PMFBP1: variants seen among roughly 807,000 people sequenced by gnomAD.
The protein encoded by PMFBP1 is polyamine modulated factor 1 binding protein 1, also known as polyamine-modulated factor 1-binding protein 1.
Under a neutral mutation model 137.8 loss-of-function variants are expected in PMFBP1, and 131 were observed. The ratio of observed to expected loss-of-function variants is 0.95; its 90% confidence interval spans 0.82 to 1.10. The LOEUF (loss-of-function observed/expected upper bound fraction) is 1.10. Ranked by LOEUF, PMFBP1 falls within the 50% of genes least tolerant of loss-of-function variation. PMFBP1 has a pLI of 0.00. For missense variants in PMFBP1, 1,199 were observed against 1,175.4 expected, an observed-to-expected ratio of 1.02 and a Z score of -0.29; for synonymous variants, 490 against 450.4, an observed-to-expected ratio of 1.09 and a Z score of -1.11.
chr16:72,132,164 T>C (rs1456856941), intron 10 of PMFBP1, among the ~76,000 whole-genome samples: 1 of 152,172 alleles, frequency 6.6e-6, no homozygotes, highest in Non-Finnish European at 1.5e-5. Flanking sequence ...TTTAAAAGTA[T>C]ACAATTCAGT....
chr16:72,180,866 G>A (rs1053480307), upstream of PMFBP1, among the ~76,000 whole-genome samples: 4 of 152,218 alleles, frequency 2.6e-5, no homozygotes, highest in African/African-American at 9.6e-5. Context: ...AGCCTTCAAA[G>A]GGAATGTCTG....
chr16:72,161,186 C>T (rs2043057115), intron 3 of PMFBP1, among the ~76,000 whole-genome samples: 1 of 149,606 alleles, frequency 6.7e-6, no homozygotes, highest in African/African-American at 2.5e-5. Context: ...CAACCTCTGT[C>T]CCCTGGATTC....
At chr16:72,157,992 T>G (rs1357419586) in intron 3 of PMFBP1, among the ~76,000 whole-genome samples, 1 of 152,192 alleles carries the variant, frequency 6.6e-6, no homozygotes, top group Non-Finnish European at 1.5e-5. Context: ...GGAATTTTAA[T>G]GAGATTAATT....
At chr16:72,221,945 A>G in the PMFBP1 span, among the ~76,000 whole-genome samples, 386 of 152,308 alleles carry the variant, frequency 2.5e-3, 2 homozygotes, top group African/African-American at 8.8e-3. Flanking sequence ...TCACTTAACA[A>G]CAGTTATTGA....
the PMFBP1 span, among the ~76,000 whole-genome samples, chr16:72,198,537 C>T: frequency 2.6e-5 from 4 of 152,156 alleles, no homozygotes; most frequent in Non-Finnish European, 4.4e-5. Flanking sequence ...TCCTCCTTTC[C>T]GAATGGCTGC....
the PMFBP1 span, among the ~76,000 whole-genome samples, chr16:72,209,471 TATG>T: frequency 3.8e-3 from 585 of 152,106 alleles, 4 homozygotes; most frequent in African/African-American, 0.013. Context: ...TATCTGTATA[TATG>T]ATATTATCTG....
the PMFBP1 span, among the ~76,000 whole-genome samples, chr16:72,206,563 G>A: frequency 6.6e-6 from 1 of 152,186 alleles, no homozygotes. Context: ...AACAGTCCAT[G>A]GGTGTGATTA....
At chr16:72,236,322 T>C in the PMFBP1 span, among the ~76,000 whole-genome samples, 4 of 152,178 alleles carry the variant, frequency 2.6e-5, no homozygotes, top group African/African-American at 9.7e-5. Flanking sequence ...CTTGTAAACT[T>C]AAGTGAAGAG....
rs150625465 is a variant in PMFBP1, at chr16:72,139,293, T to C, written c.914A>G (p.Lys305Arg). ...AGATCAGCAAATTTCTCCCACCTTTTTGATGTCTTCACACTCTTCTGAGGA... is the reference window on the plus strand; with the variant it reads ...AGATCAGCAAATTTCTCCCACCTTTCTGATGTCTTCACACTCTTCTGAGGA... ...PSSSEECEDI[K>R]KILKHLQEQK... The change falls in exon 7 of 21, where the codon AAA (lysine) becomes AGA (arginine). Residue 305 changes from lysine to arginine, a missense_variant. Transcript: ENST00000237353. 92 of 1,612,286 alleles carry C rather than the reference T, an allele frequency of 5.7e-5. 1 individual carries two copies. The African/African-American group carries it at 1.1e-3, about 19-fold the overall frequency.
downstream of PMFBP1, among the ~76,000 whole-genome samples, chr16:72,117,510 T>G (rs1413078689): frequency 2.0e-5 from 3 of 152,166 alleles, no homozygotes; most frequent in African/African-American, 7.2e-5. Context: ...TTATTTCTTT[T>G]TCCTAATTGC....
In PMFBP1 at chr16:72,132,929, G is replaced by T; in HGVS notation, c.1266C>A (p.Asn422Lys). The T allele has an allele frequency of 6.2e-7, 1 of 1,614,170 alleles. No homozygotes were observed. Among genetic ancestry groups the T allele is most frequent in the South Asian group, 1.1e-5 (1 of 91,090 alleles). The change falls in exon 10 of 21, where the codon AAC becomes AAA. Residue 422 changes from asparagine (N) to lysine (K), a missense_variant. By Grantham distance (94) the Asn-to-Lys change is moderately conservative. Coordinates refer to ENST00000237353, the MANE Select transcript of PMFBP1 (RefSeq NM_031293.3). ...GCTCCTTCTCCTTTTTCAGGAGGCT[G>T]TTCTGAACCTGTGTCAGTTTCTTCT... ...ELEKKLTQVQ[N>K]SLLKKEKELE...
intron 5 of PMFBP1, among the ~76,000 whole-genome samples, chr16:72,144,785 T>C (rs1440354905): frequency 6.6e-6 from 1 of 152,042 alleles, no homozygotes; most frequent in Non-Finnish European, 1.5e-5. Context: ...TAAAATCTTC[T>C]GGCATTACAT....
intron 2 of PMFBP1, among the ~76,000 whole-genome samples, chr16:72,166,086 CGTTACT>C (rs2043140725): frequency 6.6e-6 from 1 of 152,136 alleles, no homozygotes; most frequent in Admixed American, 6.5e-5. Context: ...CAGATGTTAC[CGTTACT>C]GAGTTTTAAA....
the PMFBP1 span, among the ~76,000 whole-genome samples, chr16:72,195,323 C>A: frequency 6.6e-6 from 1 of 151,944 alleles, no homozygotes; most frequent in Non-Finnish European, 1.5e-5. Flanking sequence ...TTCCTTCCCC[C>A]TCTCCTTTTC....
chr16:72,173,552 G>GA (rs913299896), upstream of PMFBP1, among the ~76,000 whole-genome samples: 46 of 152,080 alleles, frequency 3.0e-4, no homozygotes, highest in Non-Finnish European at 3.8e-4. Context: ...TAAGTAGGAA[G>GA]AAAAAAAGAG....
chr16:72,136,572 A>C lies in PMFBP1; in HGVS notation c.1079T>G (p.Leu360Arg). 6.2e-7 allele frequency: 1 copy of C among 1,614,008 alleles called. No individual in the cohort carries two copies. Among genetic ancestry groups the C allele is most frequent in the Admixed American group, 1.7e-5 (1 of 60,012 alleles). Reference sequence around the variant, plus strand: ...AATGTGGGCAGATGTCTCCTCCCGCAGTCCGTGCAGGTCCAGCTCCAGCTT... The same window carrying C: ...AATGTGGGCAGATGTCTCCTCCCGCCGTCCGTGCAGGTCCAGCTCCAGCTT... ...MMKLELDLHGLREETSAHIER... is the reference protein window; with the variant it reads ...MMKLELDLHGRREETSAHIER... Residue 360 changes from leucine (L) to arginine (R), a missense_variant, in exon 9 of 21, where the codon CTG becomes CGG. Coordinates refer to ENST00000237353, the MANE Select transcript of PMFBP1 (RefSeq NM_031293.3).
At chr16:72,227,790 T>C in the PMFBP1 span, among the ~76,000 whole-genome samples, 2 of 152,172 alleles carry the variant, frequency 1.3e-5, no homozygotes, top group African/African-American at 4.8e-5. Flanking sequence ...ATTGATAATA[T>C]TCACCACATG....
the PMFBP1 span, among the ~76,000 whole-genome samples, chr16:72,216,082 C>T: frequency 1.3e-5 from 2 of 152,268 alleles, no homozygotes. Flanking sequence ...GGGATATACC[C>T]CTTCCAGGCC....
chr16:72,135,636 A>C (rs1567626360), intron 9 of PMFBP1, among the ~76,000 whole-genome samples: 1 of 149,558 alleles, frequency 6.7e-6, no homozygotes, highest in Non-Finnish European at 1.5e-5. Flanking sequence ...AGGCTTTTCC[A>C]AGAATTTGAT....
Sources: gnomAD v4.1 joint callset for allele counts (sites outside exome capture counted in the v4.1 genomes callset) on GRCh38, gnomAD v4.1.1 for gene constraint, MANE v1.5 for transcripts, NCBI Gene and HGNC (gene_info 2026-07-23, HGNC 2026-07-21) for gene names.